The following ZFYVE9 variants were observed in gnomAD, a reference collection of about 807,000 sequenced individuals.
The protein encoded by ZFYVE9 is zinc finger FYVE-type containing 9, also known as zinc finger FYVE domain-containing protein 9.
A neutral mutation model predicts 126.7 loss-of-function variants in ZFYVE9; 43 were observed. The ratio of observed to expected loss-of-function variants is 0.34; its 90% confidence interval spans 0.27 to 0.44. ZFYVE9 has a LOEUF of 0.44. ZFYVE9 is among the 20% of genes least tolerant of loss of function. The pLI is 1.00. For missense variants in ZFYVE9, 1,476 were observed against 1,697.0 expected, an observed-to-expected ratio of 0.87 and a Z score of 2.29; for synonymous variants, 521 against 597.4, an observed-to-expected ratio of 0.87 and a Z score of 1.87.
At chr1:52,223,875 T>C (rs938398313) in intron 2 of ZFYVE9, among the ~76,000 whole-genome samples, 2 of 152,190 alleles carry the variant, frequency 1.3e-5, no homozygotes, top group African/African-American at 4.8e-5. Flanking sequence ...CAGACTATCA[T>C]GGCAGCCCTG....
At chr1:52,143,394 T>C (rs1240514046) in intron 1 of ZFYVE9, among the ~76,000 whole-genome samples, 1 of 152,246 alleles carries the variant, frequency 6.6e-6, no homozygotes, top group Non-Finnish European at 1.5e-5. Context: ...AGAAATGTGA[T>C]TACAGGTTAT....
intron 1 of ZFYVE9, among the ~76,000 whole-genome samples, chr1:52,188,775 C>T (rs980989463): frequency 6.6e-6 from 1 of 151,638 alleles, no homozygotes. Context: ...AGTTTTAGTT[C>T]TTGTTTTTAA....
chr1:52,180,124 T>G (rs1644683834), intron 1 of ZFYVE9: 1 of 1,019,150 alleles, frequency 9.8e-7, no homozygotes, highest in Admixed American at 1.7e-5. Flanking sequence ...GTTTTGGAGA[T>G]CTCAGGGAAG....
At chr1:52,310,486 T>TTGAACCC (rs1646127770) in intron 13 of ZFYVE9, among the ~76,000 whole-genome samples, 1 of 152,022 alleles carries the variant, frequency 6.6e-6, no homozygotes, top group South Asian at 2.1e-4. Context: ...GGAGGATCAC[T>TTGAACCC]TGAACCCAGG....
chr1:52,210,527 T>G (rs1211628048), intron 1 of ZFYVE9, among the ~76,000 whole-genome samples: 1 of 152,238 alleles, frequency 6.6e-6, no homozygotes, highest in Admixed American at 6.5e-5. Flanking sequence ...GAGATTGGTT[T>G]GGAGACTATC....
chr1:52,248,863 C>T (rs1030856951), intron 4 of ZFYVE9, among the ~76,000 whole-genome samples: 1 of 152,160 alleles, frequency 6.6e-6, no homozygotes, highest in Admixed American at 6.5e-5. Context: ...ACTGCAGTTG[C>T]ACAATTTTCC....
intron 4 of ZFYVE9, chr1:52,253,855 A>G (rs1433990622): frequency 1.5e-5 from 20 of 1,325,012 alleles, no homozygotes; most frequent in Non-Finnish European, 2.1e-5. Flanking sequence ...GACATTATAT[A>G]TTTATGCAGA....
intron 1 of ZFYVE9, among the ~76,000 whole-genome samples, chr1:52,198,188 C>G (rs369426292): frequency 8.4e-6 from 1 of 119,406 alleles, no homozygotes; most frequent in African/African-American, 3.1e-5. Flanking sequence ...GTGATGCTAT[C>G]TCGGCTCACT....
At chr1:52,316,494 A>AC (rs895610744) in intron 13 of ZFYVE9, among the ~76,000 whole-genome samples, 7 of 152,176 alleles carry the variant, frequency 4.6e-5, no homozygotes, top group Non-Finnish European at 8.8e-5. Flanking sequence ...AAAAAAAAAA[A>AC]AAAAACTAAA....
chr1:52,346,409 C>G lies in ZFYVE9; in HGVS notation c.*188C>G, dbSNP rs774899933. On this transcript the variant is annotated 3_prime_UTR_variant, in exon 19 of 19. Transcript: ENST00000287727. ...TTGGGGGGACCGATGTTCCATAATT[C>G]TAAGTCTTCTATGCATTGTCCACCA... 2.9e-5 allele frequency: 17 copies of G among 590,814 alleles called. No homozygotes were observed. The highest frequency in any genetic ancestry group is 4.7e-5 in the Non-Finnish European group (17 of 360,820). 36.6% of individuals were successfully genotyped at this position (590,814 alleles called of 1,614,324 possible).
intron 1 of ZFYVE9, among the ~76,000 whole-genome samples, chr1:52,152,049 G>C (rs138959009): frequency 4.6e-4 from 70 of 152,098 alleles, no homozygotes; most frequent in Non-Finnish European, 7.9e-4. Flanking sequence ...GAGTGCAGTG[G>C]CACCATCTTG....
intron 4 of ZFYVE9, among the ~76,000 whole-genome samples, chr1:52,262,173 C>A (rs1022521189): frequency 6.6e-6 from 1 of 152,224 alleles, no homozygotes; most frequent in Admixed American, 6.5e-5. Flanking sequence ...CAGCTGTGTT[C>A]TCACTCTAAC....
chr1:52,301,943 T>C (rs1231738727), intron 12 of ZFYVE9, among the ~76,000 whole-genome samples: 1 of 152,238 alleles, frequency 6.6e-6, no homozygotes, highest in Non-Finnish European at 1.5e-5. Context: ...TGGTTTAAGC[T>C]GCTGTTAATT....
chr1:52,292,552 A>G (rs1645932702), intron 10 of ZFYVE9, among the ~76,000 whole-genome samples: 1 of 147,992 alleles, frequency 6.8e-6, no homozygotes, highest in Non-Finnish European at 1.5e-5. Flanking sequence ...GCTCACTGCA[A>G]CCTCCGCCTC....
At chr1:52,254,812 A>T (rs1196733890) in intron 4 of ZFYVE9, among the ~76,000 whole-genome samples, 4 of 151,986 alleles carry the variant, frequency 2.6e-5, no homozygotes, top group African/African-American at 4.8e-5. Flanking sequence ...ACTAAAAATT[A>T]AAAAATGGCG....
chr1:52,166,766 C>T (rs2124518829), intron 1 of ZFYVE9, among the ~76,000 whole-genome samples: 1 of 152,188 alleles, frequency 6.6e-6, no homozygotes, highest in South Asian at 2.1e-4. Context: ...AAAAGTCAGG[C>T]ATGGTGACAC....
intron 7 of ZFYVE9, among the ~76,000 whole-genome samples, chr1:52,270,349 C>T (rs1313309458): frequency 1.3e-5 from 2 of 152,058 alleles, no homozygotes; most frequent in Non-Finnish European, 1.5e-5. Flanking sequence ...CTGCAAGCTC[C>T]GCCTCCCGGG....
chr1:52,181,352 T>A (rs897984618), intron 1 of ZFYVE9, among the ~76,000 whole-genome samples: 29 of 152,244 alleles, frequency 1.9e-4, no homozygotes, highest in Non-Finnish European at 4.1e-4. Flanking sequence ...CCCGAGGTGC[T>A]GGGATTGCAG....
At chr1:52,286,030 C>T (rs1432982240) in intron 10 of ZFYVE9, among the ~76,000 whole-genome samples, 1 of 152,078 alleles carries the variant, frequency 6.6e-6, no homozygotes, top group African/African-American at 2.4e-5. Flanking sequence ...ATGGTGGGCG[C>T]CTGTCATCCC....
Sources: gnomAD v4.1 joint callset for allele counts (sites outside exome capture counted in the v4.1 genomes callset) on GRCh38, gnomAD v4.1.1 for gene constraint, MANE v1.5 for transcripts, NCBI Gene and HGNC (gene_info 2026-07-23, HGNC 2026-07-21) for gene names.